LDB2: variants seen among roughly 807,000 people sequenced by gnomAD.
The protein encoded by LDB2 is LIM domain-binding protein 2.
A neutral mutation model predicts 44.3 loss-of-function variants in LDB2; 12 were observed. The observed-to-expected ratio is 0.27, with a 90% CI of 0.17 to 0.44. The LOEUF (loss-of-function observed/expected upper bound fraction) is 0.44. Among genes scored for constraint, LDB2 ranks in the 20% least tolerant of loss-of-function variants. The pLI, the probability that LDB2 is intolerant of heterozygous loss-of-function variation, is 1.00. For missense variants in LDB2, 344 were observed against 473.5 expected, an observed-to-expected ratio of 0.73 and a Z score of 2.54; for synonymous variants, 164 against 174.8, an observed-to-expected ratio of 0.94 and a Z score of 0.49.
At chr4:16,759,965 G>A (rs1767540919) in intron 1 of LDB2, among the ~76,000 whole-genome samples, 1 of 152,198 alleles carries the variant, frequency 6.6e-6, no homozygotes, top group Non-Finnish European at 1.5e-5. Flanking sequence ...TGCTCATGCA[G>A]AAAACACTTT....
chr4:16,502,617 G>T lies in LDB2; in HGVS notation c.*26C>A, dbSNP rs762089690. 1 of 1,611,508 alleles carries T rather than the reference G, an allele frequency of 6.2e-7. No homozygotes were observed. ...TGTAATGATCACCCACGGGCCTATT[G>T]ACAGTGGATTCTGGTGCCGATCATC... On this transcript the variant is annotated 3_prime_UTR_variant, in exon 8 of 8. Coordinates refer to ENST00000304523, the MANE Select transcript of LDB2 (RefSeq NM_001290.5).
intron 1 of LDB2, among the ~76,000 whole-genome samples, chr4:16,897,385 C>A (rs1725332014): frequency 6.6e-6 from 1 of 152,168 alleles, no homozygotes; most frequent in East Asian, 1.9e-4. Context: ...CTTTTCCGAA[C>A]ACTTCCACAC....
intron 1 of LDB2, among the ~76,000 whole-genome samples, chr4:16,879,966 C>A (rs1719576773): frequency 6.6e-6 from 1 of 152,098 alleles, no homozygotes; most frequent in Non-Finnish European, 1.5e-5. Flanking sequence ...CCTGCAGAAA[C>A]TTTCCTGTGC....
intron 2 of LDB2, among the ~76,000 whole-genome samples, chr4:16,753,499 A>G (rs1000287994): frequency 1.6e-4 from 24 of 152,258 alleles, no homozygotes; most frequent in African/African-American, 5.8e-4. Flanking sequence ...TGTAAAAGAG[A>G]AACAGCAAGT....
intron 2 of LDB2, among the ~76,000 whole-genome samples, chr4:16,721,073 C>T (rs1358385279): frequency 2.0e-5 from 3 of 152,140 alleles, no homozygotes; most frequent in Non-Finnish European, 4.4e-5. Flanking sequence ...AAACTATGTC[C>T]TCTGGCAATT....
chr4:16,855,464 T>G (rs528855891), intron 1 of LDB2, among the ~76,000 whole-genome samples: 1 of 152,278 alleles, frequency 6.6e-6, no homozygotes, highest in East Asian at 1.9e-4. Flanking sequence ...CTTGTATGAT[T>G]GTTGCAAGCT....
intron 2 of LDB2, among the ~76,000 whole-genome samples, chr4:16,735,757 T>C (rs1250194865): frequency 3.9e-5 from 6 of 152,166 alleles, no homozygotes; most frequent in Non-Finnish European, 8.8e-5. Context: ...AGAAAAACTA[T>C]GAAAGCTATA....
chr4:16,695,834 T>C (rs1752004759), intron 2 of LDB2, among the ~76,000 whole-genome samples: 3 of 152,144 alleles, frequency 2.0e-5, no homozygotes, highest in Admixed American at 2.0e-4. Context: ...TTTGATTTTT[T>C]TTGAAACATC....
intron 1 of LDB2, among the ~76,000 whole-genome samples, chr4:16,799,030 T>C (rs1207382514): frequency 2.0e-5 from 3 of 152,104 alleles, no homozygotes; most frequent in Non-Finnish European, 4.4e-5. Context: ...TTTTTTTGTA[T>C]TTTTAGTAGA....
chr4:16,848,552 G>A (rs1406918248), intron 1 of LDB2, among the ~76,000 whole-genome samples: 1 of 152,136 alleles, frequency 6.6e-6, no homozygotes, highest in African/African-American at 2.4e-5. Flanking sequence ...TCCAACAATG[G>A]AGTGGGCAGC....
intron 2 of LDB2, among the ~76,000 whole-genome samples, chr4:16,699,335 A>T (rs981604749): frequency 6.6e-6 from 1 of 152,252 alleles, no homozygotes; most frequent in East Asian, 1.9e-4. Context: ...TGTGATAAGG[A>T]TCATCACTAA....
chr4:16,634,041 G>A (rs143374260), intron 2 of LDB2, among the ~76,000 whole-genome samples: 11,082 of 152,156 alleles, frequency 0.073, 467 homozygotes, highest in African/African-American at 0.077. Context: ...AAATGGTGTT[G>A]GGAAAACTGG....
chr4:16,524,890 T>C (rs775988185), intron 5 of LDB2, among the ~76,000 whole-genome samples: 1 of 152,190 alleles, frequency 6.6e-6, no homozygotes, highest in East Asian at 1.9e-4. Context: ...ACTGGAAATA[T>C]ACAGCTTTTA....
At chr4:16,680,759 G>C (rs140668925) in intron 2 of LDB2, among the ~76,000 whole-genome samples, 20 of 152,228 alleles carry the variant, frequency 1.3e-4, no homozygotes, top group South Asian at 4.2e-4. Context: ...TATAGAACTG[G>C]GGGAAAGAAA....
intron 2 of LDB2, among the ~76,000 whole-genome samples, chr4:16,750,335 A>T (rs1433415498): frequency 6.6e-6 from 1 of 152,180 alleles, no homozygotes; most frequent in Non-Finnish European, 1.5e-5. Context: ...CCCTTGGGCA[A>T]GCCATATATA....
chr4:16,690,581 G>A (rs1269636784), intron 2 of LDB2, among the ~76,000 whole-genome samples: 1 of 148,908 alleles, frequency 6.7e-6, no homozygotes, highest in Non-Finnish European at 1.5e-5. Context: ...AGGAAGACAG[G>A]AAACGAAGGA....
intron 1 of LDB2, among the ~76,000 whole-genome samples, chr4:16,813,910 C>G (rs528883047): frequency 2.0e-5 from 3 of 149,682 alleles, no homozygotes; most frequent in Non-Finnish European, 4.4e-5. Context: ...CTGGCTCTGT[C>G]GCCCAGGCTG....
At chr4:16,509,570 C>T (rs566579065) in intron 6 of LDB2, among the ~76,000 whole-genome samples, 1 of 152,246 alleles carries the variant, frequency 6.6e-6, no homozygotes, top group South Asian at 2.1e-4. Flanking sequence ...TAATGCTTGT[C>T]ACTATTCTTA....
chr4:16,842,629 T>A (rs916408344), intron 1 of LDB2, among the ~76,000 whole-genome samples: 5 of 152,232 alleles, frequency 3.3e-5, no homozygotes, highest in Middle Eastern at 3.2e-3. Flanking sequence ...CATCATCATA[T>A]GTGCTTCATT....
Sources: allele counts gnomAD v4.1 joint callset (sites outside exome capture counted in the v4.1 genomes callset), GRCh38; gene constraint gnomAD v4.1.1; transcripts MANE v1.5; gene names NCBI Gene and HGNC (gene_info 2026-07-23, HGNC 2026-07-21).